The following KCTD1 variants were observed in gnomAD, a reference collection of about 807,000 sequenced individuals.
KCTD1 encodes the protein potassium channel tetramerization domain containing 1.
A neutral mutation model predicts 66.0 loss-of-function variants in KCTD1; 24 were observed. That is an observed-to-expected ratio of 0.36 (90% CI 0.26 to 0.51). The LOEUF (loss-of-function observed/expected upper bound fraction) is 0.51. Among genes scored for constraint, KCTD1 ranks in the 20% least tolerant of loss-of-function variants. The pLI is 0.95. For synonymous variants in KCTD1, 511 were observed against 517.2 expected (o/e 0.99, Z 0.16); for missense variants, 943 against 1,205.2 (o/e 0.78, Z 3.22).
intron 1 of KCTD1, among the ~76,000 whole-genome samples, chr18:26,580,834 G>A (rs1330054611): frequency 1.3e-5 from 2 of 152,166 alleles, no homozygotes; most frequent in Admixed American, 6.5e-5. Flanking sequence ...ACGAGAAAAT[G>A]TTATAAAATT....
intron 1 of KCTD1, among the ~76,000 whole-genome samples, chr18:26,570,535 A>G (rs920003785): frequency 1.3e-5 from 2 of 152,028 alleles, no homozygotes; most frequent in Non-Finnish European, 2.9e-5. Flanking sequence ...CAGCCTCCCA[A>G]TTAGCTGGGA....
intron 1 of KCTD1, chr18:26,575,572 A>G: frequency 6.6e-6 from 1 of 152,250 alleles, no homozygotes; most frequent in Non-Finnish European, 1.5e-5. Context: ...TCTGCAAGTC[A>G]CGGTCTTTGT....
chr18:26,577,183 G>T (rs927871364), intron 1 of KCTD1, among the ~76,000 whole-genome samples: 1 of 152,118 alleles, frequency 6.6e-6, no homozygotes, highest in Non-Finnish European at 1.5e-5. Flanking sequence ...TGTGTGCTTT[G>T]TGGATGTTAG....
chr18:26,475,984 T>C (rs1981326658), intron 3 of KCTD1, among the ~76,000 whole-genome samples: 1 of 152,254 alleles, frequency 6.6e-6, no homozygotes, highest in African/African-American at 2.4e-5. Context: ...CATTGTCAGC[T>C]GCAAAAATTA....
intron 2 of KCTD1, among the ~76,000 whole-genome samples, chr18:26,483,396 G>A (rs1231558285): frequency 6.6e-6 from 1 of 152,118 alleles, no homozygotes; most frequent in Non-Finnish European, 1.5e-5. Context: ...AGCCTCCCGA[G>A]TAGCTGGGAT....
At chr18:26,622,869 C>G (rs1288681007) in intron 1 of KCTD1, among the ~76,000 whole-genome samples, 1 of 151,962 alleles carries the variant, frequency 6.6e-6, no homozygotes, top group African/African-American at 2.4e-5. Flanking sequence ...AGTGAACAAG[C>G]CATAAAGGGG....
chr18:26,501,486 A>G (rs935181432), intron 1 of KCTD1, among the ~76,000 whole-genome samples: 1 of 152,252 alleles, frequency 6.6e-6, no homozygotes, highest in African/African-American at 2.4e-5. Flanking sequence ...TTCACTTCAA[A>G]TAACTCTGAG....
chr18:26,547,450 T>C lies in KCTD1; in HGVS notation c.1087A>G (p.Ser363Gly), dbSNP rs1381058933. 1 of 1,551,452 alleles carries C rather than the reference T, an allele frequency of 6.4e-7. No homozygotes were observed. Among genetic ancestry groups the C allele is most frequent in the South Asian group, 1.2e-5 (1 of 84,062 alleles). ...PYHKSRSSSW[S>G]KKRAESSDEE... The stretch of plus-strand genomic sequence containing the variant: ...TCGCTGCTCTCGGCGCGCTTCTTGC[T>C]CCACGACGACGAGCGCGACTTGTGG... The change falls in exon 1 of 5, where the codon AGC becomes GGC. Residue 363 changes from serine to glycine, a missense_variant. This residue lies in a region of KCTD1 where 66 missense variants were observed against 61.6 expected (regional missense o/e 1.07). Coordinates refer to ENST00000580059, the MANE Select transcript of KCTD1 (RefSeq NM_001142730.3).
intron 1 of KCTD1, among the ~76,000 whole-genome samples, chr18:26,531,299 C>T (rs1443809092): frequency 6.6e-6 from 1 of 151,970 alleles, no homozygotes; most frequent in East Asian, 1.9e-4. Context: ...TGAGACCAGC[C>T]TGGGCAACAT....
At chr18:26,599,909 G>A (rs1269108276) in intron 1 of KCTD1, 3 of 1,562,640 alleles carry the variant, frequency 1.9e-6, no homozygotes, top group Middle Eastern at 1.8e-4. Context: ...TTTGAAGTGG[G>A]TTCTTCTAGT....
At chr18:26,650,825 A>G (rs1988016933) in intron 1 of KCTD1, among the ~76,000 whole-genome samples, 1 of 152,272 alleles carries the variant, frequency 6.6e-6, no homozygotes, top group Non-Finnish European at 1.5e-5. Context: ...ATAGCAGTAG[A>G]TGCTTTGGAA....
chr18:26,577,559 A>G (rs1373024954), intron 1 of KCTD1, among the ~76,000 whole-genome samples: 1 of 147,684 alleles, frequency 6.8e-6, no homozygotes, highest in Non-Finnish European at 1.5e-5. Flanking sequence ...TTTTTTTTAG[A>G]CTTTTTAGAC....
At position 26,598,471 on chromosome 18, in the gene KCTD1, TAC is replaced by T. The variant is rs4041522; in HGVS notation, c.-16+30674_-16+30675del. Among the ~76,000 whole-genome samples, 864 of 149,752 alleles carry T rather than the reference TAC, an allele frequency of 5.8e-3. 3 individuals carry two copies. Among genetic ancestry groups the T allele is most frequent in the Non-Finnish European group, 5.9e-3 (397 of 67,424 alleles). On this transcript the variant is annotated intron_variant, in intron 1 of 4. Transcript: ENST00000317932. ...ATATATGTTTTCAATTCTCTTTTTT[TAC>T]ACACACACACACACACACACACACG...
intron 1 of KCTD1, among the ~76,000 whole-genome samples, chr18:26,533,319 T>G (rs1984537591): frequency 6.6e-6 from 1 of 152,218 alleles, no homozygotes. Flanking sequence ...AAATGTGAAT[T>G]ATTTGATGGT....
intron 1 of KCTD1, among the ~76,000 whole-genome samples, chr18:26,561,558 C>A (rs929001697): frequency 6.6e-6 from 1 of 152,166 alleles, no homozygotes; most frequent in Non-Finnish European, 1.5e-5. Flanking sequence ...GGTCTTCTTA[C>A]CACGCCCACC....
At chr18:26,646,113 T>C (rs1987922388) in intron 1 of KCTD1, among the ~76,000 whole-genome samples, 1 of 152,190 alleles carries the variant, frequency 6.6e-6, no homozygotes, top group Non-Finnish European at 1.5e-5. Context: ...CAAATTAAGA[T>C]TGCAATATTT....
At chr18:26,568,202 A>G (rs141467767) in intron 1 of KCTD1, among the ~76,000 whole-genome samples, 1 of 152,282 alleles carries the variant, frequency 6.6e-6, no homozygotes, top group African/African-American at 2.4e-5. Context: ...GTTAACAAAT[A>G]TAAATGGATC....
At chr18:26,615,254 C>G (rs1481758481) in intron 1 of KCTD1, among the ~76,000 whole-genome samples, 1 of 152,222 alleles carries the variant, frequency 6.6e-6, no homozygotes. Flanking sequence ...TGGCTCCCAG[C>G]TGCTCAGTGG....
intron 1 of KCTD1, among the ~76,000 whole-genome samples, chr18:26,593,953 G>C (rs896116913): frequency 6.6e-6 from 1 of 152,082 alleles, no homozygotes; most frequent in East Asian, 1.9e-4. Flanking sequence ...AAGGGGGGGA[G>C]AAGCAGTCAA....
Sources: allele counts gnomAD v4.1 joint callset (sites outside exome capture counted in the v4.1 genomes callset), GRCh38; gene constraint gnomAD v4.1.1; regional missense constraint gnomAD v4.1.1; transcripts MANE v1.5; gene names NCBI Gene and HGNC (gene_info 2026-07-23, HGNC 2026-07-21).